SMAD9: variants seen among roughly 807,000 people sequenced by gnomAD.
The protein encoded by SMAD9 is SMAD family member 9.
In SMAD9, 36 loss-of-function variants were observed where a neutral mutation model predicts 46.1. The ratio of observed to expected loss-of-function variants is 0.78; its 90% CI spans 0.60 to 1.03. The LOEUF (loss-of-function observed/expected upper bound fraction) is 1.03, where lower values mean the gene tolerates loss of function less well. Ranked by LOEUF, SMAD9 falls within the 50% of genes least tolerant of loss-of-function variation. The pLI is 0.00. For missense variants in SMAD9, 572 were observed against 599.8 expected, an observed-to-expected ratio of 0.95 and a Z score of 0.48; for synonymous variants, 245 against 237.1, an observed-to-expected ratio of 1.03 and a Z score of -0.31.
chr13:36,856,840 C>T (rs1433869516), intron 5 of SMAD9, among the ~76,000 whole-genome samples: 1 of 135,556 alleles, frequency 7.4e-6, no homozygotes, highest in Non-Finnish European at 1.5e-5. Flanking sequence ...ACCCTCTTGT[C>T]ACCCAGGCTG....
chr13:36,886,692 G>C (rs913267097), intron 1 of SMAD9, among the ~76,000 whole-genome samples: 2 of 152,258 alleles, frequency 1.3e-5, no homozygotes, highest in African/African-American at 4.8e-5. Flanking sequence ...AACAAGCCAT[G>C]AAATCTTATG....
At chr13:36,891,492 G>T (rs975635544) in intron 1 of SMAD9, among the ~76,000 whole-genome samples, 2 of 152,180 alleles carry the variant, frequency 1.3e-5, no homozygotes, top group African/African-American at 2.4e-5. Flanking sequence ...TAGGTGAAGG[G>T]GGAGATGTGT....
At chr13:36,886,151 G>T (rs1265745972) in intron 1 of SMAD9, among the ~76,000 whole-genome samples, 1 of 152,182 alleles carries the variant, frequency 6.6e-6, no homozygotes, top group African/African-American at 2.4e-5. Flanking sequence ...GGAAACCAAG[G>T]AACACAGAGA....
chr13:36,850,726 G>T (rs976414981), intron 6 of SMAD9, among the ~76,000 whole-genome samples: 6 of 152,102 alleles, frequency 3.9e-5, no homozygotes, highest in African/African-American at 1.4e-4. Flanking sequence ...CACACTTAGG[G>T]AGTTAAATAC....
intron 1 of SMAD9, among the ~76,000 whole-genome samples, chr13:36,910,376 ATAC>A (rs1382484348): frequency 6.6e-6 from 1 of 152,234 alleles, no homozygotes; most frequent in African/African-American, 2.4e-5. Context: ...ACTCTGCCTG[ATAC>A]TACCATGGTG....
At chr13:36,864,913 A>C (rs1295148600) in intron 5 of SMAD9, among the ~76,000 whole-genome samples, 1 of 152,184 alleles carries the variant, frequency 6.6e-6, no homozygotes, top group African/African-American at 2.4e-5. Flanking sequence ...ATAGAAAAGA[A>C]AATAATTTAA....
rs772038868 is a variant in SMAD9 at position 36,853,509 on chromosome 13, G to A, written c.1170C>T (p.Phe390=). 25 of 1,614,046 alleles carry A rather than the reference G, an allele frequency of 1.5e-5. No individual in the cohort carries two copies. The highest frequency in any genetic ancestry group is 1.1e-4 in the African/African-American group (8 of 74,926). The part of the protein sequence containing the change: ...CSLKVFNNQL[F]AQLLAQSVHH... ...GAACTGACTGGGCCAGGAGCTGAGC[G>A]AAGAGCTGGTTGTTGAAGACCTTGA... Residue 390 remains phenylalanine (F), a synonymous_variant, in exon 6 of 7, where the codon TTC becomes TTT. Transcript: ENST00000379826.
At chr13:36,910,338 C>T (rs1056688672) in intron 1 of SMAD9, among the ~76,000 whole-genome samples, 1 of 151,884 alleles carries the variant, frequency 6.6e-6, no homozygotes, top group Admixed American at 6.5e-5. Context: ...AAACACAGAC[C>T]ACAGAGAATT....
At chr13:36,862,726 C>T (rs1393833613) in intron 5 of SMAD9, among the ~76,000 whole-genome samples, 4 of 152,316 alleles carry the variant, frequency 2.6e-5, no homozygotes, top group East Asian at 3.9e-4. Flanking sequence ...GGACTCACCC[C>T]AAATTCTTTC....
chr13:36,896,330 T>C (rs1488799101), intron 1 of SMAD9, among the ~76,000 whole-genome samples: 1 of 151,938 alleles, frequency 6.6e-6, no homozygotes, highest in Non-Finnish European at 1.5e-5. Context: ...ACAAGGTCTC[T>C]TTATGTTTCC....
intron 1 of SMAD9, among the ~76,000 whole-genome samples, chr13:36,909,882 G>C (rs142534628): frequency 2.0e-5 from 3 of 152,246 alleles, no homozygotes; most frequent in African/African-American, 7.2e-5. Flanking sequence ...TTCACTGTGG[G>C]AGTTAAGAGG....
Position 36,879,758 on chromosome 13 carries a change from T to C in SMAD9, c.-69A>G, listed in dbSNP as rs1053536857. 7 of 1,582,562 alleles carry C rather than the reference T, an allele frequency of 4.4e-6. No individual in the cohort carries two copies. The African/African-American group carries it at 6.7e-5, about 15-fold the overall frequency. Reference sequence around the variant, plus strand: ...CCTTCACGGCAAAGTGGGCGGCGAGTAGCTCTCCAGGGGTGGCATAGGGAC... The same window carrying C: ...CCTTCACGGCAAAGTGGGCGGCGAGCAGCTCTCCAGGGGTGGCATAGGGAC... On this transcript the variant is annotated 5_prime_UTR_variant, in exon 2 of 7. Transcript: ENST00000379826.
At chr13:36,859,308 C>T (rs1345419661) in intron 5 of SMAD9, among the ~76,000 whole-genome samples, 1 of 152,158 alleles carries the variant, frequency 6.6e-6, no homozygotes, top group East Asian at 1.9e-4. Flanking sequence ...GACATGCAGA[C>T]CCTCTGCCCA....
In SMAD9 at chr13:36,891,248, T is replaced by C. The variant is rs535323431; in HGVS notation, c.-186-11373A>G. Among the ~76,000 whole-genome samples the C allele has an allele frequency of 2.1e-4, 32 of 152,270 alleles. No homozygotes were observed. The East Asian group carries it at 5.6e-3, about 27-fold the overall frequency. On this transcript the variant is annotated intron_variant, in intron 1 of 6. Coordinates refer to ENST00000379826, the MANE Select transcript of SMAD9 (RefSeq NM_001127217.3). ...CCTCCTTGCGGAAGCTATCCTGATA[T>C]ACTTCTCAACACTTTCATTCATTCT...
intron 4 of SMAD9, 76 bp from the exon 5 acceptor site, chr13:36,865,834 CTTAG>C: frequency 8.3e-7 from 1 of 1,203,466 alleles, no homozygotes; most frequent in Non-Finnish European, 1.2e-6. Context: ...CACCAGGAAA[CTTAG>C]TTAATGCTTT....
At chr13:36,899,739 A>C (rs1051409523) in intron 1 of SMAD9, among the ~76,000 whole-genome samples, 5 of 152,206 alleles carry the variant, frequency 3.3e-5, no homozygotes, top group African/African-American at 1.2e-4. Flanking sequence ...TAAATTTATC[A>C]GCATATGAGG....
intron 1 of SMAD9, among the ~76,000 whole-genome samples, chr13:36,897,064 A>C (rs1044116078): frequency 6.6e-6 from 1 of 152,194 alleles, no homozygotes; most frequent in African/African-American, 2.4e-5. Flanking sequence ...AAACAAAAAC[A>C]AAAACAAAAT....
Position 36,879,263 on chromosome 13 carries a change from G to A in SMAD9, c.412+15C>T, listed in dbSNP as rs954075860. On this transcript the variant is annotated intron_variant, in intron 2 of 6. Transcript: ENST00000379826. Reference sequence around the variant, plus strand: ...CACTCTGAAAATAAACCTTGACGTCGTAAAGACGACCCACCTGGAGTCTCC... The same window carrying A: ...CACTCTGAAAATAAACCTTGACGTCATAAAGACGACCCACCTGGAGTCTCC... 2.8e-5 allele frequency: 45 copies of A among 1,612,250 alleles called. No homozygotes were observed. The highest frequency in any genetic ancestry group is 6.7e-5 in the African/African-American group (5 of 74,846).
intron 5 of SMAD9, among the ~76,000 whole-genome samples, chr13:36,863,032 A>C (rs2058198205): frequency 6.6e-6 from 1 of 152,182 alleles, no homozygotes; most frequent in Admixed American, 6.5e-5. Flanking sequence ...CGTGAGATGA[A>C]TGCATATTAC....
Sources: gnomAD v4.1 joint callset for allele counts (sites outside exome capture counted in the v4.1 genomes callset) on GRCh38, gnomAD v4.1.1 for gene constraint, MANE v1.5 for transcripts, NCBI Gene and HGNC (gene_info 2026-07-23, HGNC 2026-07-21) for gene names.